The following GLIS3 variants were observed in gnomAD, a reference collection of about 807,000 sequenced individuals.
GLIS3 encodes the protein zinc finger protein GLIS3.
A neutral mutation model predicts 78.6 loss-of-function variants in GLIS3; 53 were observed. The observed-to-expected ratio is 0.67, with a 90% CI of 0.54 to 0.85. The LOEUF is 0.85. Among genes scored for constraint, GLIS3 ranks in the 40% least tolerant of loss-of-function variants. The pLI, the probability that GLIS3 is intolerant of heterozygous loss-of-function variation, is 0.00. For synonymous variants in GLIS3, 684 were observed against 509.9 expected (o/e 1.34, Z -4.60); for missense variants, 1,703 against 1,231.1 (o/e 1.38, Z -5.74).
chr9:4,073,082 C>A (rs1827747860), intron 4 of GLIS3, among the ~76,000 whole-genome samples: 1 of 151,866 alleles, frequency 6.6e-6, no homozygotes, highest in Non-Finnish European at 1.5e-5. Flanking sequence ...AAATGGCTGC[C>A]AATCTCAAAT....
At chr9:4,169,732 G>T (rs966653847) in intron 2 of GLIS3, among the ~76,000 whole-genome samples, 1 of 151,886 alleles carries the variant, frequency 6.6e-6, no homozygotes, top group African/African-American at 2.4e-5. Context: ...AAATCGTTCA[G>T]GAAAAAAACA....
the GLIS3 span, among the ~76,000 whole-genome samples, chr9:4,482,132 C>T: frequency 6.6e-6 from 1 of 152,104 alleles, no homozygotes. Context: ...GTTTAAATTA[C>T]TTGGTCAAGG....
intron 2 of GLIS3, among the ~76,000 whole-genome samples, chr9:4,168,183 ACACACACACAGACG>A (rs1186199087): frequency 1.3e-5 from 2 of 152,082 alleles, no homozygotes; most frequent in African/African-American, 4.8e-5. Context: ...TCTCTTACAC[ACACACACACAGACG>A]CACACACACA....
chr9:4,272,313 T>C (rs927638902), intron 2 of GLIS3, among the ~76,000 whole-genome samples: 2 of 152,148 alleles, frequency 1.3e-5, no homozygotes, highest in Non-Finnish European at 2.9e-5. Context: ...CCACCACACA[T>C]AGTAGAAATT....
At chr9:3,887,199 C>G (rs1822139204) in intron 7 of GLIS3, among the ~76,000 whole-genome samples, 1 of 152,226 alleles carries the variant, frequency 6.6e-6, no homozygotes, top group African/African-American at 2.4e-5. Context: ...TGAAACAATC[C>G]CTTCTCAACT....
At chr9:4,412,212 C>G in the GLIS3 span, among the ~76,000 whole-genome samples, 3 of 152,188 alleles carry the variant, frequency 2.0e-5, no homozygotes, top group African/African-American at 4.8e-5. Context: ...GCTTATCCTG[C>G]TATGATAGCT....
At chr9:4,107,817 T>C (rs1830886892) in intron 4 of GLIS3, among the ~76,000 whole-genome samples, 1 of 152,154 alleles carries the variant, frequency 6.6e-6, no homozygotes, top group Non-Finnish European at 1.5e-5. Context: ...TGTTCTTTTC[T>C]TTCCTATGAA....
At chr9:4,259,719 A>G (rs1347895851) in intron 2 of GLIS3, among the ~76,000 whole-genome samples, 5 of 152,190 alleles carry the variant, frequency 3.3e-5, no homozygotes, top group Non-Finnish European at 2.9e-5. Context: ...AACTTGCTCT[A>G]TTCACAGATG....
the GLIS3 span, among the ~76,000 whole-genome samples, chr9:4,479,762 G>A: frequency 1.3e-5 from 2 of 152,150 alleles, no homozygotes; most frequent in African/African-American, 4.8e-5. Flanking sequence ...TGGGGAGTGG[G>A]AGACAGAGCT....
the GLIS3 span, among the ~76,000 whole-genome samples, chr9:4,355,219 T>C: frequency 2.0e-5 from 3 of 152,182 alleles, no homozygotes; most frequent in African/African-American, 7.2e-5. Context: ...GATTTGGAGT[T>C]GGGCACATCT....
intron 2 of GLIS3, among the ~76,000 whole-genome samples, chr9:4,271,450 G>A (rs1003606968): frequency 3.3e-5 from 5 of 152,068 alleles, no homozygotes; most frequent in Non-Finnish European, 5.9e-5. Flanking sequence ...TTTCCCTGTA[G>A]AACTCTGAGT....
intron 2 of GLIS3, among the ~76,000 whole-genome samples, chr9:4,199,520 AAC>A (rs958916213): frequency 6.7e-6 from 1 of 149,808 alleles, no homozygotes; most frequent in Admixed American, 6.7e-5. Flanking sequence ...TATCATATAA[AAC>A]AGACTTTTCC....
intron 9 of GLIS3, among the ~76,000 whole-genome samples, chr9:3,836,008 G>C (rs1303560058): frequency 6.6e-6 from 1 of 152,162 alleles, no homozygotes; most frequent in Non-Finnish European, 1.5e-5. Flanking sequence ...GATACATAGA[G>C]ATGTAATTCT....
At chr9:4,349,430 A>G (rs915933676), upstream of GLIS3, among the ~76,000 whole-genome samples, 1 of 152,196 alleles carries the variant, frequency 6.6e-6, no homozygotes, top group African/African-American at 2.4e-5. Context: ...TGGCATGCAC[A>G]TTGCATACAA....
chr9:4,286,653 A>C, intron 1 of GLIS3, 130 bp from the exon 2 acceptor site: 1 of 589,014 alleles, frequency 1.7e-6, no homozygotes, highest in Non-Finnish European at 3.0e-6. Flanking sequence ...TTTTATGTAG[A>C]AAAGGGTCCT....
At chr9:3,945,938 C>G (rs1054799519) in intron 4 of GLIS3, among the ~76,000 whole-genome samples, 1 of 152,200 alleles carries the variant, frequency 6.6e-6, no homozygotes, top group African/African-American at 2.4e-5. Context: ...CCCCTCTTAC[C>G]TGTTCCCCCA....
rs138330986 is a variant in GLIS3, at chr9:3,981,276, T to C, written c.1711-44087A>G. ...CAGGTACTGCCAGAATATTGCACTA[T>C]ACATGAATCAGAAAGTGAGTTCACC... On this transcript the variant is annotated intron_variant, in intron 4 of 10. Coordinates refer to ENST00000381971, the MANE Select transcript of GLIS3 (RefSeq NM_001042413.2). 5.3e-5 allele frequency among the ~76,000 whole-genome samples: 8 copies of C among 152,326 alleles called. No homozygotes were observed. In the East Asian group the frequency reaches 7.7e-4, roughly 15 times the overall value.
chr9:4,459,526 G>T, the GLIS3 span, among the ~76,000 whole-genome samples: 1 of 152,244 alleles, frequency 6.6e-6, no homozygotes, highest in Non-Finnish European at 1.5e-5. Context: ...CACTTTGGGA[G>T]GCCAAGATGG....
intron 4 of GLIS3, among the ~76,000 whole-genome samples, chr9:4,003,841 T>C (rs145497804): frequency 1.3e-5 from 2 of 152,368 alleles, no homozygotes; most frequent in African/African-American, 4.8e-5. Context: ...ATTCTTTCTT[T>C]GGTGCTTGTA....
Sources: gnomAD v4.1 joint callset for allele counts (sites outside exome capture counted in the v4.1 genomes callset) on GRCh38, gnomAD v4.1.1 for gene constraint, MANE v1.5 for transcripts, NCBI Gene and HGNC (gene_info 2026-07-23, HGNC 2026-07-21) for gene names.